UTP20: variants seen among roughly 807,000 people sequenced by gnomAD.
UTP20 encodes the protein UTP20 small subunit processome component.
Under a neutral mutation model 329.5 loss-of-function variants are expected in UTP20, and 164 were observed. The observed-to-expected ratio is 0.50, with a 90% CI of 0.44 to 0.57. The LOEUF (loss-of-function observed/expected upper bound fraction) is 0.57. UTP20 is among the 20% of genes least tolerant of loss of function. The probability of loss-of-function intolerance (pLI) is 0.00; values close to 1 mark genes in which losing one functional copy is unlikely to be tolerated. For missense variants in UTP20, 3,055 were observed against 3,284.2 expected (o/e 0.93, Z 1.71); for synonymous variants, 1,151 against 1,159.3 (o/e 0.99, Z 0.14).
chr12:101,281,055 G>C, intron 1 of UTP20, 61 bp from the exon 2 acceptor site: 1 of 1,369,326 alleles, frequency 7.3e-7, no homozygotes, highest in East Asian at 2.5e-5. Flanking sequence ...CATTCAAATA[G>C]ATATTAAAGA....
At chr12:101,382,018 CAAAAAAAAA>C (rs756789889) in intron 58 of UTP20, among the ~76,000 whole-genome samples, 3 of 107,322 alleles carry the variant, frequency 2.8e-5, no homozygotes, top group African/African-American at 1.2e-4. Flanking sequence ...GACTCTGTAT[CAAAAAAAAA>C]AAAAAAAAAG....
intron 25 of UTP20, among the ~76,000 whole-genome samples, chr12:101,323,529 C>T (rs1242434405): frequency 6.6e-6 from 1 of 152,014 alleles, no homozygotes; most frequent in Non-Finnish European, 1.5e-5. Flanking sequence ...GCTAATTTGT[C>T]AGTGATAAAT....
At chr12:101,374,540 CCTTTT>C (rs1870409418) in intron 54 of UTP20, among the ~76,000 whole-genome samples, 1 of 152,018 alleles carries the variant, frequency 6.6e-6, no homozygotes, top group Admixed American at 6.6e-5. Context: ...CTTTCCATTT[CCTTTT>C]AATTAAAAAT....
At chr12:101,341,691 G>A (rs1225607525) in intron 32 of UTP20, among the ~76,000 whole-genome samples, 3 of 152,164 alleles carry the variant, frequency 2.0e-5, no homozygotes, top group African/African-American at 7.2e-5. Flanking sequence ...CAGATCACGA[G>A]GTCAGGAGTT....
At chr12:101,383,514 CAAATGAA>C (rs1565810872) in intron 59 of UTP20, 22 bp from the exon 60 acceptor site, 1 of 1,603,498 alleles carries the variant, frequency 6.2e-7, no homozygotes, top group South Asian at 1.1e-5. Context: ...AGAAGTCTTT[CAAATGAA>C]AAAAATGATC....
At chr12:101,361,393 G>C (rs573712834) in intron 43 of UTP20, among the ~76,000 whole-genome samples, 1 of 152,132 alleles carries the variant, frequency 6.6e-6, no homozygotes, top group South Asian at 2.1e-4. Flanking sequence ...GGAGGCTGAG[G>C]CAGGCAAATC....
intron 51 of UTP20, 142 bp downstream of exon 51, chr12:101,371,310 G>T: frequency 1.6e-6 from 1 of 610,906 alleles, no homozygotes; most frequent in Non-Finnish European, 2.6e-6. Context: ...TCCTGGTGCA[G>T]GTGGTCAGGG....
intron 47 of UTP20, 21 bp from the exon 48 acceptor site, chr12:101,367,839 T>A: frequency 6.5e-7 from 1 of 1,538,226 alleles, no homozygotes; most frequent in Non-Finnish European, 9.0e-7. Flanking sequence ...TAATGTGAAA[T>A]ACCTGTTTGA....
chr12:101,313,131 CTGAT>C (rs1490358839), intron 21 of UTP20, among the ~76,000 whole-genome samples: 1 of 152,118 alleles, frequency 6.6e-6, no homozygotes, highest in East Asian at 1.9e-4. Flanking sequence ...ATGTGAGAGT[CTGAT>C]TGTATTAAAA....
chr12:101,379,364 C>T lies in UTP20; in HGVS notation c.7397-7C>T. On this transcript the variant is annotated splice_polypyrimidine_tract_variant and splice_region_variant and intron_variant, in intron 56 of 61. Transcript: ENST00000261637. ...TGACATCCACAAATGCTTTTTGGTT[C>T]CCTTAGGTCATGTGCATTCTCACCT... The T allele has an allele frequency of 6.3e-7, 1 of 1,581,864 alleles. No individual in the cohort carries two copies. Among genetic ancestry groups the T allele is most frequent in the Admixed American group, 1.8e-5 (1 of 55,378 alleles).
intron 38 of UTP20, among the ~76,000 whole-genome samples, chr12:101,349,711 G>T (rs1422892207): frequency 6.6e-6 from 1 of 152,052 alleles, no homozygotes; most frequent in Non-Finnish European, 1.5e-5. Context: ...AAAGTGTTGG[G>T]ATTACAGGGT....
At chr12:101,350,958 A>G (rs1382248126) in intron 38 of UTP20, among the ~76,000 whole-genome samples, 1 of 152,088 alleles carries the variant, frequency 6.6e-6, no homozygotes, top group Admixed American at 6.6e-5. Context: ...TAACTCAGAA[A>G]GACCACTGGG....
intron 45 of UTP20, among the ~76,000 whole-genome samples, chr12:101,364,522 C>T (rs1870031617): frequency 6.6e-6 from 1 of 152,162 alleles, no homozygotes; most frequent in Non-Finnish European, 1.5e-5. Context: ...GGGTTTAGTT[C>T]CAGATCTTTC....
chr12:101,353,340 A>G (rs879317405), intron 40 of UTP20, among the ~76,000 whole-genome samples: 13 of 152,244 alleles, frequency 8.5e-5, no homozygotes, highest in Non-Finnish European at 1.5e-4. Flanking sequence ...TCTAAATTGT[A>G]TTAGTGAAAA....
At chr12:101,286,182 A>G in intron 4 of UTP20, 139 bp from the exon 5 acceptor site, 1 of 884,048 alleles carries the variant, frequency 1.1e-6, no homozygotes, top group Non-Finnish European at 1.6e-6. Context: ...GATTTAAAGA[A>G]TTTTATAATT....
intron 17 of UTP20, among the ~76,000 whole-genome samples, chr12:101,307,106 AG>A (rs1350408399): frequency 6.8e-6 from 1 of 147,180 alleles, no homozygotes; most frequent in African/African-American, 2.5e-5. Flanking sequence ...TGAACCCGGG[AG>A]GCGGAGCTTG....
chr12:101,314,172 C>A (rs1322661813), intron 21 of UTP20, among the ~76,000 whole-genome samples: 5 of 152,072 alleles, frequency 3.3e-5, no homozygotes, highest in Non-Finnish European at 7.4e-5. Context: ...AGAAGAAAGA[C>A]CACTTGCTAT....
chr12:101,297,419 T>C (rs977367921), intron 12 of UTP20, among the ~76,000 whole-genome samples: 7 of 152,126 alleles, frequency 4.6e-5, no homozygotes, highest in African/African-American at 1.7e-4. Context: ...CTCGCTATGT[T>C]GCCCAGGCTG....
chr12:101,344,578 A>G lies in UTP20; in HGVS notation c.4450-17A>G, dbSNP rs367864141. The G allele has an allele frequency of 6.6e-5, 60 of 903,498 alleles. No homozygotes were observed. Among genetic ancestry groups the G allele is most frequent in the Admixed American group, 3.5e-4 (20 of 57,056 alleles). The allele number at this position is 903,498 out of a possible 1,614,324, so 56.0% of individuals were successfully genotyped here. On this transcript the variant is annotated splice_polypyrimidine_tract_variant and intron_variant, in intron 35 of 61. Transcript: ENST00000261637. ...TATTACAGAGAATAATTTCTTTTTTATTTCTCTTTTTTGCAGTTAGGAGAT... is the reference window on the plus strand; with the variant it reads ...TATTACAGAGAATAATTTCTTTTTTGTTTCTCTTTTTTGCAGTTAGGAGAT...
Sources: allele counts gnomAD v4.1 joint callset (sites outside exome capture counted in the v4.1 genomes callset), GRCh38; gene constraint gnomAD v4.1.1; transcripts MANE v1.5; gene names NCBI Gene and HGNC (gene_info 2026-07-23, HGNC 2026-07-21).